The following NRXN3 variants were observed in gnomAD, a reference collection of about 807,000 sequenced individuals.
NRXN3 encodes the protein neurexin 3.
Under a neutral mutation model 137.6 loss-of-function variants are expected in NRXN3, and 32 were observed. That is an observed-to-expected ratio of 0.23 (90% CI 0.18 to 0.31). NRXN3 has a LOEUF of 0.31. Ranked by LOEUF, NRXN3 falls within the 10% of genes least tolerant of loss-of-function variation. The probability of loss-of-function intolerance (pLI) is 1.00; values close to 1 mark genes in which losing one functional copy is unlikely to be tolerated. For missense variants in NRXN3, 1,574 were observed against 2,062.5 expected (o/e 0.76, Z 4.59); for synonymous variants, 798 against 784.5 (o/e 1.02, Z -0.29).
rs146464666 is a variant in NRXN3 at position 78,704,865 on chromosome 14, TC to T, written c.1222-4350del. Reference sequence around the variant, plus strand: ...ATGGTAGGCTCTTTTCTTATATTGTTCCGGCTCTCAGCTTGCTTTACTCCTG... The same window carrying T: ...ATGGTAGGCTCTTTTCTTATATTGTTCGGCTCTCAGCTTGCTTTACTCCTG... On this transcript the variant is annotated intron_variant, in intron 6 of 20. Transcript: ENST00000335750. 8.2e-3 allele frequency among the ~76,000 whole-genome samples: 1,252 copies of T among 152,322 alleles called. 82 individuals carry two copies. In the East Asian group the frequency reaches 0.17, roughly 21 times the overall value.
chr14:78,814,546 C>T (rs1380073945), intron 10 of NRXN3, among the ~76,000 whole-genome samples: 4 of 152,130 alleles, frequency 2.6e-5, no homozygotes, highest in African/African-American at 7.2e-5. Flanking sequence ...ATCCAGGAGG[C>T]GGAGGTTGCA....
intron 16 of NRXN3, among the ~76,000 whole-genome samples, chr14:79,511,729 G>T (rs2096934208): frequency 6.6e-6 from 1 of 152,118 alleles, no homozygotes; most frequent in Admixed American, 6.5e-5. Context: ...GTTTGTGCCT[G>T]CTCCAAATCC....
At chr14:78,449,151 C>G (rs1435499591) in intron 4 of NRXN3, among the ~76,000 whole-genome samples, 1 of 152,212 alleles carries the variant, frequency 6.6e-6, no homozygotes, top group Non-Finnish European at 1.5e-5. Flanking sequence ...AACAGCACCT[C>G]TCTCTGTGTC....
chr14:78,898,554 CGTGTGTGTGTGTGTGT>C (rs66861661), intron 10 of NRXN3, among the ~76,000 whole-genome samples: 3,225 of 136,348 alleles, frequency 0.024, 123 homozygotes, highest in African/African-American at 0.081. Context: ...AGCTGGGTTT[CGTGTGTGTGTGTGTGT>C]GTGTGTGTGT....
At chr14:79,713,612 C>T (rs1425440532) in intron 19 of NRXN3, among the ~76,000 whole-genome samples, 59 of 130,486 alleles carry the variant, frequency 4.5e-4, no homozygotes, top group Non-Finnish European at 9.6e-5. Context: ...TATACATATA[C>T]ATATGTATGT....
chr14:78,864,778 T>C (rs1002872360), intron 10 of NRXN3, among the ~76,000 whole-genome samples: 2 of 152,162 alleles, frequency 1.3e-5, no homozygotes, highest in African/African-American at 4.8e-5. Flanking sequence ...GAAGTATGGC[T>C]GGACAAAAGT....
At chr14:78,969,053 A>G (rs2099429224) in intron 14 of NRXN3, among the ~76,000 whole-genome samples, 1 of 152,218 alleles carries the variant, frequency 6.6e-6, no homozygotes, top group Non-Finnish European at 1.5e-5. Flanking sequence ...AATAAAACTT[A>G]CCTTGAATGT....
chr14:78,501,481 A>G (rs778833136), intron 4 of NRXN3, among the ~76,000 whole-genome samples: 34 of 152,152 alleles, frequency 2.2e-4, no homozygotes, highest in South Asian at 1.2e-3. Context: ...GACAGAAGCT[A>G]TAGTCTTTGG....
At chr14:79,284,343 C>CATATATATATATATATATATATATATAT (rs60596302) in intron 15 of NRXN3, among the ~76,000 whole-genome samples, 1 of 65,086 alleles carries the variant, frequency 1.5e-5, no homozygotes, top group Non-Finnish European at 2.9e-5. Flanking sequence ...ACTAAAAATA[C>CATATATATATATATATATATATATATAT]ATATATATAT....
At chr14:79,061,413 T>A (rs965989435) in intron 15 of NRXN3, among the ~76,000 whole-genome samples, 8 of 151,892 alleles carry the variant, frequency 5.3e-5, no homozygotes, top group African/African-American at 1.9e-4. Flanking sequence ...AGGGGCAGAG[T>A]TAACCAGGAA....
At chr14:78,410,720 C>G (rs1196007310) in intron 4 of NRXN3, among the ~76,000 whole-genome samples, 1 of 152,156 alleles carries the variant, frequency 6.6e-6, no homozygotes. Flanking sequence ...TTGAAAAATG[C>G]AAAACTCTGG....
At chr14:79,222,025 G>T (rs1260248411) in intron 15 of NRXN3, among the ~76,000 whole-genome samples, 5 of 152,086 alleles carry the variant, frequency 3.3e-5, no homozygotes, top group African/African-American at 9.7e-5. Flanking sequence ...TTTCCCCATT[G>T]CTTGTTTTTG....
chr14:79,507,981 G>T (rs574013153), intron 16 of NRXN3, among the ~76,000 whole-genome samples: 1 of 152,026 alleles, frequency 6.6e-6, no homozygotes, highest in East Asian at 1.9e-4. Flanking sequence ...TCATAGTATG[G>T]GTTATTGGGT....
chr14:79,274,421 A>G (rs1237854792), intron 15 of NRXN3, among the ~76,000 whole-genome samples: 1 of 152,252 alleles, frequency 6.6e-6, no homozygotes, highest in Non-Finnish European at 1.5e-5. Flanking sequence ...ATAACATATT[A>G]TGATAACTCA....
intron 15 of NRXN3, among the ~76,000 whole-genome samples, chr14:79,433,635 A>G (rs2095799080): frequency 6.6e-6 from 1 of 152,178 alleles, no homozygotes; most frequent in South Asian, 2.1e-4. Context: ...CACGATATCT[A>G]ATAGATGTTA....
chr14:78,304,625 T>C (rs894678918), intron 4 of NRXN3, among the ~76,000 whole-genome samples: 5 of 152,194 alleles, frequency 3.3e-5, no homozygotes, highest in African/African-American at 7.2e-5. Context: ...GGATTGCCCG[T>C]TCTGGATGAG....
intron 16 of NRXN3, among the ~76,000 whole-genome samples, chr14:79,594,517 G>A (rs1276434910): frequency 4.6e-5 from 7 of 152,156 alleles, no homozygotes; most frequent in Non-Finnish European, 7.4e-5. Flanking sequence ...CATGAAGTAA[G>A]TTATGATCAA....
chr14:78,338,796 T>G lies in NRXN3; in HGVS notation c.757+40936T>G, dbSNP rs562143748. Among the ~76,000 whole-genome samples, 541 of 152,270 alleles carry G rather than the reference T, an allele frequency of 3.6e-3. 2 individuals are homozygous for G. The highest frequency in any genetic ancestry group is 0.012 in the African/African-American group (514 of 41,550). ...GACCACAAAAATTAGGCTTTGGTAC[T>G]TTTAGGTGAAAATTTTGGACTTAAC... On this transcript the variant is annotated intron_variant, in intron 4 of 20. Coordinates refer to ENST00000335750, the MANE Select transcript of NRXN3 (RefSeq NM_001330195.2).
chr14:79,059,250 C>CTTTTTTTTTTTTTT (rs869266975), intron 15 of NRXN3, among the ~76,000 whole-genome samples: 20 of 78,278 alleles, frequency 2.6e-4, no homozygotes, highest in African/African-American at 7.6e-4. Flanking sequence ...AGGCCCTATT[C>CTTTTTTTTTTTTTT]TTTTTTTTTT....
Sources: gnomAD v4.1 joint callset for allele counts (sites outside exome capture counted in the v4.1 genomes callset) on GRCh38, gnomAD v4.1.1 for gene constraint, MANE v1.5 for transcripts, NCBI Gene and HGNC (gene_info 2026-07-23, HGNC 2026-07-21) for gene names.